Variants in ACOT11 observed in about 807,000 individuals in gnomAD.
ACOT11 encodes the protein acyl-CoA thioesterase 11.
Under a neutral mutation model 77.5 loss-of-function variants are expected in ACOT11, and 69 were observed. The ratio of observed to expected loss-of-function variants is 0.89; its 90% confidence interval spans 0.73 to 1.09. ACOT11 has a LOEUF of 1.09. Among genes scored for constraint, ACOT11 ranks in the 50% least tolerant of loss-of-function variants. ACOT11 has a pLI of 0.00. For missense variants in ACOT11, 766 were observed against 813.7 expected, an observed-to-expected ratio of 0.94 and a Z score of 0.71; for synonymous variants, 279 against 313.0, an observed-to-expected ratio of 0.89 and a Z score of 1.15.
chr1:54,601,843 T>C (rs1557663544), intron 9 of ACOT11, among the ~76,000 whole-genome samples: 1 of 152,234 alleles, frequency 6.6e-6, no homozygotes, highest in Non-Finnish European at 1.5e-5. Flanking sequence ...ACTGACTCCA[T>C]GCCTGGCTGC....
exon 17 of ACOT11, chr1:54,634,967 GTTA>G (rs1644323162): frequency 2.1e-6 from 1 of 487,672 alleles, no homozygotes; most frequent in Admixed American, 3.8e-5. Flanking sequence ...TATGATAGCA[GTTA>G]TCACCACTGC....
chr1:54,560,744 C>T (rs1653443046), intron 1 of ACOT11, among the ~76,000 whole-genome samples: 1 of 150,570 alleles, frequency 6.6e-6, no homozygotes, highest in African/African-American at 2.5e-5. Flanking sequence ...TTTTTTGAGA[C>T]AGAGTTTTGC....
At chr1:54,638,602 C>G (rs1455664361) in exon 17 of ACOT11, 3 of 152,140 alleles carry the variant, frequency 2.0e-5, no homozygotes, top group Non-Finnish European at 2.9e-5. Flanking sequence ...AAGTGATCTG[C>G]CCGCCTTGGC....
intron 1 of ACOT11, among the ~76,000 whole-genome samples, chr1:54,577,101 A>G (rs1266332414): frequency 6.6e-6 from 1 of 152,226 alleles, no homozygotes; most frequent in Non-Finnish European, 1.5e-5. Context: ...GATTTTTGCC[A>G]AAGATGTTTT....
intron 1 of ACOT11, among the ~76,000 whole-genome samples, chr1:54,554,352 T>TATATATATATA (rs536616509): frequency 0.033 from 1,525 of 46,040 alleles, 35 homozygotes; most frequent in Non-Finnish European, 0.06. Context: ...TATATATATA[T>TATATATATATA]TTTTTTTTTT....
intron 1 of ACOT11, among the ~76,000 whole-genome samples, chr1:54,552,971 G>C (rs1653123693): frequency 6.6e-6 from 1 of 151,596 alleles, no homozygotes; most frequent in South Asian, 2.1e-4. Flanking sequence ...GGGATTACAG[G>C]CATGTGCCAC....
chr1:54,633,853 A>G (rs1418500586), intron 16 of ACOT11, among the ~76,000 whole-genome samples: 2 of 152,262 alleles, frequency 1.3e-5, no homozygotes, highest in African/African-American at 2.4e-5. Context: ...AGGCTGAGGC[A>G]GAGTTACAAC....
At chr1:54,616,015 C>G in intron 15 of ACOT11, 8 of 1,613,352 alleles carry the variant, frequency 5.0e-6, no homozygotes, top group Non-Finnish European at 6.8e-6. Flanking sequence ...CAGAGAGGCC[C>G]TTACCCTTTT....
intron 5 of ACOT11, 24 bp downstream of exon 5, chr1:54,594,063 G>A (rs1018602412): frequency 1.2e-5 from 20 of 1,606,524 alleles, no homozygotes; most frequent in Non-Finnish European, 1.4e-5. Flanking sequence ...CCTGGCTGCT[G>A]GAACGCTGCT....
At chr1:54,563,430 G>A (rs1291013073) in intron 1 of ACOT11, among the ~76,000 whole-genome samples, 1 of 152,206 alleles carries the variant, frequency 6.6e-6, no homozygotes, top group Non-Finnish European at 1.5e-5. Flanking sequence ...CTGTGCAGGA[G>A]GAATAATTGT....
At chr1:54,561,161 G>T (rs1359794694) in intron 1 of ACOT11, among the ~76,000 whole-genome samples, 2 of 143,326 alleles carry the variant, frequency 1.4e-5, no homozygotes, top group African/African-American at 5.3e-5. Flanking sequence ...GGGGGATTTG[G>T]CAGGGTCATG....
In ACOT11 at chr1:54,567,214, C is replaced by A. The variant is rs187526624; in HGVS notation, c.34-17441C>A. On this transcript the variant is annotated intron_variant, in intron 1 of 15. Transcript: ENST00000343744. ...ATCTCCCCAACTCAGTAACCAGTAC[C>A]ACCATCTGCCAGTCACTCATTCTAA... Among the ~76,000 whole-genome samples the A allele has an allele frequency of 2.0e-4, 30 of 148,774 alleles. 1 individual carries two copies. Among genetic ancestry groups the A allele is most frequent in the African/African-American group, 7.8e-4 (30 of 38,280 alleles).
At chr1:54,585,736 C>A in intron 2 of ACOT11, 99 bp from the exon 3 acceptor site, 1 of 1,252,214 alleles carries the variant, frequency 8.0e-7, no homozygotes, top group African/African-American at 1.5e-5. Context: ...GTGGCCTTGG[C>A]TTGGGCGGCT....
chr1:54,631,191 G>A (rs548521565), intron 16 of ACOT11, among the ~76,000 whole-genome samples: 1 of 152,118 alleles, frequency 6.6e-6, no homozygotes, highest in African/African-American at 2.4e-5. Flanking sequence ...TTCGAGCAGC[G>A]CCTTGAGCGA....
rs867145195 is a variant in ACOT11, at chr1:54,608,994, A to T, written c.1667A>T (p.Asn556Ile). The T allele has an allele frequency of 6.2e-7, 1 of 1,613,994 alleles. No individual in the cohort carries two copies. The highest frequency in any genetic ancestry group is 2.2e-5 in the East Asian group (1 of 44,854). Reference protein sequence around the residue: ...YYNQATPGVLNYVTTNVAGLS... With the variant: ...YYNQATPGVLIYVTTNVAGLS... ...AACCAGGCCACCCCAGGTGTTCTCA[A>T]CTATGTGACCACCAACGTGGCCGGC... Residue 556 changes from asparagine to isoleucine, a missense_variant, in exon 16 of 16, where the codon AAC becomes ATC. Coordinates refer to ENST00000343744, the MANE Select transcript of ACOT11 (RefSeq NM_147161.4).
At position 54,603,943 on chromosome 1, in the gene ACOT11, GCT is replaced by G. The variant is rs1643994934; in HGVS notation, c.1152+11_1152+12del. 8.1e-6 allele frequency: 13 copies of G among 1,613,748 alleles called. No homozygotes were observed. Among genetic ancestry groups the G allele is most frequent in the Non-Finnish European group, 1.1e-5 (13 of 1,179,722 alleles). On this transcript the variant is annotated splice_region_variant and intron_variant, in intron 11 of 15. Transcript: ENST00000343744. ...CCTGGGACCCTAGCAACCAGGTAAG[GCT>G]CTCTGCTCCGAGAGGACAGTCTTCA... is the stretch of plus-strand genomic sequence containing the variant.
chr1:54,610,494 C>T (rs1644106374), downstream of ACOT11: 2 of 1,603,440 alleles, frequency 1.2e-6, no homozygotes, highest in South Asian at 2.2e-5. Flanking sequence ...CATCCCCAGG[C>T]AGCTGGAGAA....
chr1:54,567,046 G>A (rs1430565214), intron 1 of ACOT11, among the ~76,000 whole-genome samples: 1 of 152,134 alleles, frequency 6.6e-6, no homozygotes, highest in African/African-American at 2.4e-5. Context: ...TCAAAATCCT[G>A]TGGATCTTAA....
intron 15 of ACOT11, among the ~76,000 whole-genome samples, chr1:54,619,680 A>C (rs1046891251): frequency 1.3e-5 from 2 of 152,144 alleles, no homozygotes; most frequent in Non-Finnish European, 2.9e-5. Context: ...CTAAGCTCAG[A>C]GTTTGTCAGC....
Sources: allele counts gnomAD v4.1 joint callset (sites outside exome capture counted in the v4.1 genomes callset), GRCh38; gene constraint gnomAD v4.1.1; transcripts MANE v1.5; gene names NCBI Gene and HGNC (gene_info 2026-07-23, HGNC 2026-07-21).